The following PPM1L variants were observed in gnomAD, a reference collection of about 807,000 sequenced individuals.
PPM1L encodes the protein protein phosphatase, Mg2+/Mn2+ dependent 1L.
Under a neutral mutation model 31.4 loss-of-function variants are expected in PPM1L, and 13 were observed. The observed-to-expected ratio is 0.41, with a 90% CI of 0.27 to 0.66. The LOEUF (loss-of-function observed/expected upper bound fraction) is 0.66. Ranked by LOEUF, PPM1L falls within the 30% of genes least tolerant of loss-of-function variation. The pLI is 0.29. For missense variants in PPM1L, 326 were observed against 453.7 expected (o/e 0.72, Z 2.56); for synonymous variants, 184 against 175.4 (o/e 1.05, Z -0.39).
At chr3:160,994,065 TG>T (rs1273899232) in intron 2 of PPM1L, among the ~76,000 whole-genome samples, 8 of 151,230 alleles carry the variant, frequency 5.3e-5, no homozygotes, top group Admixed American at 1.3e-4. Flanking sequence ...TATAGGGGGG[TG>T]GGGGCGGATA....
At chr3:160,858,327 A>G (rs1228842766) in intron 1 of PPM1L, among the ~76,000 whole-genome samples, 22 of 152,048 alleles carry the variant, frequency 1.4e-4, no homozygotes, top group Admixed American at 1.4e-3. Flanking sequence ...GCTCACTGCA[A>G]GAACCGCCTC....
At position 160,778,265 on chromosome 3, in the gene PPM1L, T is replaced by C. The variant is rs1319623102; in HGVS notation, c.399+21558T>C. ...CATTGTTGAGTGGTAGTTCTTTATG[T>C]AGTCCAGATATTAATCTCTTATCAG... On this transcript the variant is annotated intron_variant, in intron 1 of 3. Transcript: ENST00000498165. Among the ~76,000 whole-genome samples, 4 of 152,164 alleles carry C rather than the reference T, an allele frequency of 2.6e-5. No individual in the cohort carries two copies. The East Asian group carries it at 7.7e-4, about 29-fold the overall frequency.
At chr3:161,027,756 C>T (rs1718448428) in intron 2 of PPM1L, among the ~76,000 whole-genome samples, 1 of 152,080 alleles carries the variant, frequency 6.6e-6, no homozygotes, top group African/African-American at 2.4e-5. Context: ...CTAAGGAGCA[C>T]CAAAAGTCCC....
At chr3:160,976,670 T>C (rs1238738801) in intron 2 of PPM1L, among the ~76,000 whole-genome samples, 1 of 152,172 alleles carries the variant, frequency 6.6e-6, no homozygotes, top group Non-Finnish European at 1.5e-5. Flanking sequence ...ATAGAGGTGT[T>C]TGTAGTATTC....
intron 1 of PPM1L, among the ~76,000 whole-genome samples, chr3:160,922,180 G>C (rs1430943336): frequency 1.3e-5 from 2 of 152,040 alleles, no homozygotes; most frequent in African/African-American, 2.4e-5. Context: ...CGTGGTGGCA[G>C]GCACCTGTAG....
intron 1 of PPM1L, among the ~76,000 whole-genome samples, chr3:160,946,294 A>G (rs1715407426): frequency 6.6e-6 from 1 of 152,156 alleles, no homozygotes. Context: ...CACATCTACA[A>G]AACATTGATA....
At chr3:161,048,375 ATGCG>A (rs1719150823) in intron 2 of PPM1L, among the ~76,000 whole-genome samples, 1 of 152,052 alleles carries the variant, frequency 6.6e-6, no homozygotes, top group Non-Finnish European at 1.5e-5. Context: ...CAAAACCACA[ATGCG>A]ATACCATCTC....
intron 1 of PPM1L, among the ~76,000 whole-genome samples, chr3:160,829,027 G>T (rs1331654400): frequency 6.6e-6 from 1 of 151,914 alleles, no homozygotes; most frequent in African/African-American, 2.4e-5. Flanking sequence ...TAATTTCAGG[G>T]CAAGGAAATC....
chr3:160,836,621 C>T (rs1362589310), intron 1 of PPM1L, among the ~76,000 whole-genome samples: 2 of 152,226 alleles, frequency 1.3e-5, no homozygotes, highest in African/African-American at 4.8e-5. Context: ...ACTCATCCCC[C>T]TCCCCCATCT....
chr3:160,843,426 T>C (rs113535865), intron 1 of PPM1L, among the ~76,000 whole-genome samples: 1 of 47,538 alleles, frequency 2.1e-5, no homozygotes, highest in African/African-American at 7.2e-5. Flanking sequence ...GGCAATTCTT[T>C]TATATATATA....
chr3:160,806,114 C>T (rs1372309047), intron 1 of PPM1L, among the ~76,000 whole-genome samples: 1 of 152,166 alleles, frequency 6.6e-6, no homozygotes, highest in African/African-American at 2.4e-5. Flanking sequence ...AAAACTACTC[C>T]AGCCTTATTT....
intron 1 of PPM1L, among the ~76,000 whole-genome samples, chr3:160,876,919 G>A (rs184712635): frequency 1.9e-4 from 29 of 152,318 alleles, no homozygotes; most frequent in African/African-American, 6.5e-4. Context: ...CTTTGGGAAT[G>A]ACTTCTGCAC....
chr3:160,779,458 G>A, intron 1 of PPM1L, among the ~76,000 whole-genome samples: 1 of 152,106 alleles, frequency 6.6e-6, no homozygotes, highest in Non-Finnish European at 1.5e-5. Context: ...GAGGGGCAGT[G>A]GAGTGCAGTG....
rs547100908 is a variant in PPM1L at position 160,973,852 on chromosome 3, CT to C, written c.574+11951del. Among the ~76,000 whole-genome samples, 1,145 of 120,366 alleles carry C rather than the reference CT, an allele frequency of 9.5e-3. 18 individuals carry two copies. Among genetic ancestry groups the C allele is most frequent in the African/African-American group, 0.034 (1,078 of 31,800 alleles). 79.0% of individuals were successfully genotyped at this position (120,366 alleles called of 152,430 possible). ...TTGAGAATGATTCTATCTAGTTTTT[CT>C]TTTTTTTTCTAATTTATTTATGTAT... On this transcript the variant is annotated intron_variant, in intron 2 of 3. Transcript: ENST00000498165.
At chr3:161,064,232 T>TG (rs1719658986) in intron 2 of PPM1L, among the ~76,000 whole-genome samples, 1 of 150,474 alleles carries the variant, frequency 6.6e-6, no homozygotes, top group Admixed American at 6.6e-5. Context: ...GCCAGCACCA[T>TG]GGCATGCACC....
chr3:161,029,930 T>C (rs1215768064), intron 2 of PPM1L, among the ~76,000 whole-genome samples: 1 of 152,156 alleles, frequency 6.6e-6, no homozygotes, highest in East Asian at 1.9e-4. Flanking sequence ...ACCACCACCC[T>C]ACAGCCTCCC....
At chr3:160,969,202 A>T (rs1344999312) in intron 2 of PPM1L, among the ~76,000 whole-genome samples, 1 of 152,236 alleles carries the variant, frequency 6.6e-6, no homozygotes, top group East Asian at 1.9e-4. Context: ...CTCTACCTGC[A>T]GGTGAAAGCT....
At chr3:160,881,066 T>C (rs1712694703) in intron 1 of PPM1L, among the ~76,000 whole-genome samples, 1 of 152,232 alleles carries the variant, frequency 6.6e-6, no homozygotes, top group South Asian at 2.1e-4. Flanking sequence ...CTTGTGACTT[T>C]TCCCACTTTT....
intron 1 of PPM1L, among the ~76,000 whole-genome samples, chr3:160,953,387 C>T (rs1413011892): frequency 2.6e-5 from 4 of 152,124 alleles, no homozygotes; most frequent in African/African-American, 9.7e-5. Context: ...ACAACCATGA[C>T]ATATGAATTA....
Sources: allele counts gnomAD v4.1 joint callset (sites outside exome capture counted in the v4.1 genomes callset), GRCh38; gene constraint gnomAD v4.1.1; transcripts MANE v1.5; gene names NCBI Gene and HGNC (gene_info 2026-07-23, HGNC 2026-07-21).